Variants in NFIX observed in about 807,000 individuals in gnomAD.
NFIX encodes nuclear factor I X, also known as nuclear factor 1 X-type.
NFIX carries 2 observed loss-of-function variants against 53.3 expected under a neutral mutation model. The ratio of observed to expected loss-of-function variants is 0.04; its 90% CI spans 0.02 to 0.12. The LOEUF is 0.12. Among genes scored for constraint, NFIX ranks in the 10% least tolerant of loss-of-function variants. The probability of loss-of-function intolerance (pLI) is 1.00; values close to 1 mark genes in which losing one functional copy is unlikely to be tolerated. For synonymous variants in NFIX, 244 were observed against 289.0 expected (o/e 0.84, Z 1.58); for missense variants, 310 against 674.5 (o/e 0.46, Z 5.99).
intron 1 of NFIX, 166 bp from the exon 2 acceptor site, chr19:13,024,855 C>G: frequency 7.6e-7 from 1 of 1,313,492 alleles, no homozygotes; most frequent in Non-Finnish European, 1.1e-6. Flanking sequence ...TTTCGTAGAA[C>G]AATCGCAAGA....
At position 13,089,460 on chromosome 19, in the gene NFIX, C is replaced by T. The variant is rs2018005375; in HGVS notation, c.1403-839C>T. Among the ~76,000 whole-genome samples, 1 of 152,188 alleles carries T rather than the reference C, an allele frequency of 6.6e-6. No homozygotes were observed. The highest frequency in any genetic ancestry group is 1.5e-5 in the Non-Finnish European group (1 of 68,018). On this transcript the variant is annotated intron_variant, in intron 9 of 10. Transcript: ENST00000592199. This position sits in a 1 kb window ranked among gnomAD's most constrained non-coding sequence, Gnocchi z 4.8. ...TCTTTGGGCCCCAGGATGGCTGCTC[C>T]CAGGCATCTGAGCCCTAGGGCTCTG...
At position 13,074,004 on chromosome 19, in the gene NFIX, A is replaced by G. The variant is rs2016921490; in HGVS notation, c.796A>G (p.Ile266Val). ...CCAGGTGACCCTGGGGCGGCGGTCC[A>G]TCACCTCCCCTCCTTCCACCAGGTA... ...INQVTLGRRS[I>V]TSPPSTSTTK... is the part of the protein sequence containing the mutation. The change falls in exon 5 of 11, where the codon ATC (isoleucine) becomes GTC (valine). Residue 266 changes from isoleucine (I) to valine (V), a missense_variant. Ile to Val is a conservative substitution (Grantham distance 29). This residue lies in a region of NFIX where 164 missense variants were observed against 284.4 expected (regional missense o/e 0.58). Coordinates refer to ENST00000592199, the MANE Select transcript of NFIX (RefSeq NM_001365902.3). 3.1e-6 allele frequency: 5 copies of G among 1,613,782 alleles called. No individual in the cohort carries two copies. Among genetic ancestry groups the G allele is most frequent in the African/African-American group, 2.7e-5 (2 of 74,886 alleles).
intron 2 of NFIX, among the ~76,000 whole-genome samples, chr19:13,047,268 G>C (rs1257187092): frequency 6.6e-6 from 1 of 150,602 alleles, no homozygotes; most frequent in African/African-American, 2.4e-5. Flanking sequence ...ACGCCTTGTT[G>C]CTTTAGATGG....
rs1242686538 is a variant in NFIX, at chr19:13,098,485, C to G, written c.*3836C>G. 6.6e-6 allele frequency: 1 copy of G among 152,404 alleles called. No individual in the cohort carries two copies. Among genetic ancestry groups the G allele is most frequent in the Non-Finnish European group, 1.5e-5 (1 of 68,440 alleles). The allele number at this position is 152,404 out of a possible 1,614,324, so 9.4% of individuals were successfully genotyped here. A position where few individuals can be genotyped will look rare whatever the true frequency, so the allele number is the denominator to read the frequency against. ...GTACTAATGGATTTGGTGTGCTTCC[C>G]CCTTAGCGTCCCCCTCCCTCTGCTC... is the stretch of plus-strand genomic sequence containing the variant. On this transcript the variant is annotated 3_prime_UTR_variant, in exon 11 of 11. Transcript: ENST00000592199.
At chr19:13,038,941 G>A (rs2014409618) in intron 2 of NFIX, among the ~76,000 whole-genome samples, 1 of 152,198 alleles carries the variant, frequency 6.6e-6, no homozygotes, top group Non-Finnish European at 1.5e-5. Context: ...TGGATGGGGA[G>A]GAAGGGCCCA....
At position 13,072,321 on chromosome 19, in the gene NFIX, C is replaced by G. The variant is rs1254439724; in HGVS notation, c.560-726C>G. Reference sequence around the variant, plus strand: ...TGTGAGCTCCCACTGCACAATGAGCCCTTGTCTCGGGGCTCCCTCTGAGCA... The same window carrying G: ...TGTGAGCTCCCACTGCACAATGAGCGCTTGTCTCGGGGCTCCCTCTGAGCA... On this transcript the variant is annotated intron_variant, in intron 2 of 10. Transcript: ENST00000592199. This position sits in a 1 kb window ranked among gnomAD's most constrained non-coding sequence, Gnocchi z 4.0. Among the ~76,000 whole-genome samples, 1 of 152,232 alleles carries G rather than the reference C, an allele frequency of 6.6e-6. No individual in the cohort carries two copies. Among genetic ancestry groups the G allele is most frequent in the Non-Finnish European group, 1.5e-5 (1 of 68,032 alleles).
chr19:13,023,627 TTTC>T (rs1192104200), intron 1 of NFIX, among the ~76,000 whole-genome samples: 1 of 148,600 alleles, frequency 6.7e-6, no homozygotes, highest in Non-Finnish European at 1.5e-5. Flanking sequence ...TTTGCATTTT[TTTC>T]TTTTTTTTTT....
At chr19:13,056,147 C>T (rs1483503672) in intron 2 of NFIX, among the ~76,000 whole-genome samples, 2 of 152,140 alleles carry the variant, frequency 1.3e-5, no homozygotes, top group African/African-American at 2.4e-5. Context: ...ACTTTGCTGC[C>T]GCAGTACCCG....
Position 13,045,764 on chromosome 19 carries a change from CT to C in NFIX, c.559+20214del, listed in dbSNP as rs1235149737. 2.0e-5 allele frequency among the ~76,000 whole-genome samples: 3 copies of C among 152,208 alleles called. No homozygotes were observed. Among genetic ancestry groups the C allele is most frequent in the Admixed American group, 1.3e-4 (2 of 15,282 alleles). ...CGTTCTCCCTCCCTTTTCTCGTAGG[CT>C]TCTTCCTCCTCCAGTGCAAGAGCTG... is the stretch of plus-strand genomic sequence containing the variant. On this transcript the variant is annotated intron_variant, in intron 2 of 10. Transcript: ENST00000592199. The surrounding 1 kb of genome is among the most constrained non-coding windows in gnomAD (Gnocchi z 4.4).
intron 1 of NFIX, among the ~76,000 whole-genome samples, chr19:13,018,982 T>A (rs1190437385): frequency 2.0e-5 from 3 of 152,240 alleles, no homozygotes; most frequent in Non-Finnish European, 4.4e-5. Flanking sequence ...TACTGGAATA[T>A]CTGGTCATTT....
At chr19:13,041,064 T>C (rs2014588085) in intron 2 of NFIX, among the ~76,000 whole-genome samples, 1 of 152,140 alleles carries the variant, frequency 6.6e-6, no homozygotes, top group Non-Finnish European at 1.5e-5. Flanking sequence ...AGGCACCCGG[T>C]CTTGGTAGTG....
chr19:13,066,309 C>A lies in NFIX; in HGVS notation c.560-6738C>A, dbSNP rs1178086409. ...GGGGATGGAGAGGGGAATGTCCCATCCAGATGCTGGCCCTTCATCTGCCAG... is the reference window on the plus strand; with the variant it reads ...GGGGATGGAGAGGGGAATGTCCCATACAGATGCTGGCCCTTCATCTGCCAG... On this transcript the variant is annotated intron_variant, in intron 2 of 10. Transcript: ENST00000592199. This position sits in a 1 kb window ranked among gnomAD's most constrained non-coding sequence, Gnocchi z 4.2. Among the ~76,000 whole-genome samples the A allele has an allele frequency of 6.6e-6, 1 of 152,150 alleles. No individual in the cohort carries two copies. The highest frequency in any genetic ancestry group is 1.5e-5 in the Non-Finnish European group (1 of 67,998).
intron 7 of NFIX, among the ~76,000 whole-genome samples, chr19:13,079,450 C>A (rs748135053): frequency 1.3e-5 from 2 of 152,170 alleles, no homozygotes; most frequent in Non-Finnish European, 2.9e-5. Context: ...AGACCTCAGC[C>A]CTGTCACTCC....
intron 2 of NFIX, among the ~76,000 whole-genome samples, chr19:13,057,296 T>G (rs1364625824): frequency 6.6e-6 from 1 of 152,124 alleles, no homozygotes; most frequent in Admixed American, 6.5e-5. Flanking sequence ...CAGGAGTGCT[T>G]GGAGGGAGGG....
At position 13,095,404 on chromosome 19, in the gene NFIX, G is replaced by C. The variant is rs1367255348; in HGVS notation, c.*755G>C. On this transcript the variant is annotated 3_prime_UTR_variant, in exon 11 of 11. Coordinates refer to ENST00000592199, the MANE Select transcript of NFIX (RefSeq NM_001365902.3). The stretch of plus-strand genomic sequence containing the variant: ...CCGCAAGAGCAGTCCTGGGGCCCTG[G>C]ACCCCTCTGTACAGTCCGTAGGAAA... 1 of 152,398 alleles carries C rather than the reference G, an allele frequency of 6.6e-6. No homozygotes were observed. Among genetic ancestry groups the C allele is most frequent in the Non-Finnish European group, 1.5e-5 (1 of 68,178 alleles). The allele number at this position is 152,398 out of a possible 1,614,324, so 9.4% of individuals were successfully genotyped here.
Position 13,036,455 on chromosome 19 carries a change from G to T in NFIX, c.559+10903G>T, listed in dbSNP as rs1269761550. 1.3e-5 allele frequency among the ~76,000 whole-genome samples: 2 copies of T among 152,078 alleles called. No individual in the cohort carries two copies. Among genetic ancestry groups the T allele is most frequent in the Non-Finnish European group, 2.9e-5 (2 of 68,010 alleles). Reference sequence around the variant, plus strand: ...AGAGGGAATCCAGAGAGGGCTTTGCGGTTGAGTCTGCCAGTCTGGAGAAGG... The same window carrying T: ...AGAGGGAATCCAGAGAGGGCTTTGCTGTTGAGTCTGCCAGTCTGGAGAAGG... On this transcript the variant is annotated intron_variant, in intron 2 of 10. Transcript: ENST00000592199. This position sits in a 1 kb window ranked among gnomAD's most constrained non-coding sequence, Gnocchi z 4.7.
chr19:13,023,004 C>G (rs1009390661), intron 1 of NFIX, among the ~76,000 whole-genome samples: 3 of 151,986 alleles, frequency 2.0e-5, no homozygotes, highest in African/African-American at 7.3e-5. Flanking sequence ...TCCCTCCTCC[C>G]CTTGGACGCA....
In NFIX at chr19:13,094,055, CAT is replaced by C. The variant is rs1844282802; in HGVS notation, c.1495-579_1495-578del. Reference sequence around the variant, plus strand: ...GCCCTGAGGGTAGAGGATCCAGCACCATGGGCTACGTGGCCCCTCCCCCAGGC... The same window carrying C: ...GCCCTGAGGGTAGAGGATCCAGCACCGGGCTACGTGGCCCCTCCCCCAGGC... On this transcript the variant is annotated intron_variant, in intron 10 of 10. Coordinates refer to ENST00000592199, the MANE Select transcript of NFIX (RefSeq NM_001365902.3). The surrounding 1 kb of genome is among the most constrained non-coding windows in gnomAD (Gnocchi z 4.3). 6.6e-6 allele frequency among the ~76,000 whole-genome samples: 1 copy of C among 152,182 alleles called. No individual in the cohort carries two copies.
intron 2 of NFIX, among the ~76,000 whole-genome samples, chr19:13,038,885 G>A (rs1241154078): frequency 1.3e-5 from 2 of 152,156 alleles, no homozygotes; most frequent in Non-Finnish European, 2.9e-5. Context: ...TGTGTGTCAG[G>A]CCCAACTTTT....
Sources: gnomAD v4.1 joint callset for allele counts (sites outside exome capture counted in the v4.1 genomes callset) on GRCh38, gnomAD v4.1.1 for gene constraint, gnomAD v4.1.1 regional missense constraint, Gnocchi (gnomAD v3.1) non-coding constraint, MANE v1.5 for transcripts, NCBI Gene and HGNC (gene_info 2026-07-23, HGNC 2026-07-21) for gene names.